ITGA2B: variants seen among roughly 807,000 people sequenced by gnomAD.
ITGA2B encodes integrin alpha-IIb.
In ITGA2B, 91 loss-of-function variants were observed where a neutral mutation model predicts 142.0. The ratio of observed to expected loss-of-function variants is 0.64; its 90% CI spans 0.54 to 0.76. ITGA2B has a LOEUF of 0.76. Among genes scored for constraint, ITGA2B ranks in the 30% least tolerant of loss-of-function variants. The pLI, the probability that ITGA2B is intolerant of heterozygous loss-of-function variation, is 0.00. For missense variants in ITGA2B, 1,231 were observed against 1,350.8 expected (o/e 0.91, Z 1.39); for synonymous variants, 536 against 567.2 (o/e 0.94, Z 0.78).
At chr17:44,380,757 C>T (rs1178624647) in intron 13 of ITGA2B, 112 bp from the exon 14 acceptor site, 1 of 1,589,544 alleles carries the variant, frequency 6.3e-7, no homozygotes, top group African/African-American at 1.3e-5. Context: ...CACCCAGCCC[C>T]TCTGGCAGTC....
Position 44,383,593 on chromosome 17 carries a change from C to A in ITGA2B, c.1110G>T (p.Ala370=). The stretch of plus-strand genomic sequence containing the variant: ...TCAGCAGGAGGCTGGGGGCACCCAG[C>A]GCGTGGGGGCCTCGCGGCTGCAGGA... ...YLFLQPRGPH[A]LGAPSLLLTG... is the part of the protein sequence containing the mutation. The change falls in exon 12 of 30, where the codon GCG becomes GCT. Residue 370 remains alanine (A), a synonymous_variant. Transcript: ENST00000262407. 2 of 1,610,902 alleles carry A rather than the reference C, an allele frequency of 1.2e-6. No individual in the cohort carries two copies. Among genetic ancestry groups the A allele is most frequent in the Admixed American group, 1.7e-5 (1 of 59,690 alleles).
At chr17:44,384,902 G>A in intron 7 of ITGA2B, 46 bp downstream of exon 7, 2 of 1,613,072 alleles carry the variant, frequency 1.2e-6, no homozygotes, top group Non-Finnish European at 1.7e-6. Flanking sequence ...CGTCTGCGGT[G>A]GGCGGTGACC....
Position 44,375,632 on chromosome 17 carries a change from C to T in ITGA2B, c.2686G>A (p.Glu896Lys). 1 of 1,613,790 alleles carries T rather than the reference C, an allele frequency of 6.2e-7. No individual in the cohort carries two copies. Among genetic ancestry groups the T allele is most frequent in the Non-Finnish European group, 8.5e-7 (1 of 1,179,920 alleles). Residue 896 changes from glutamate (E) to lysine (K), a missense_variant, in exon 26 of 30, where the codon GAG (glutamate) becomes AAG (lysine). Around this residue, in one of 3 missense-constraint regions of ITGA2B, gnomAD observed 908 missense variants for 1,021.1 expected, o/e 0.89. Coordinates refer to ENST00000262407, the MANE Select transcript of ITGA2B (RefSeq NM_000419.5). ...KRDRRQIFLP[E>K]PEQPSRLQDP... ...TGAAGCCTCGAGGGCTGCTCGGGCT[C>T]TGGCAGGAAGATCTGTCTGCGATCC...
At chr17:44,388,818 C>CTT (rs758076614) in intron 1 of ITGA2B, among the ~76,000 whole-genome samples, 42 of 132,200 alleles carry the variant, frequency 3.2e-4, no homozygotes, top group Non-Finnish European at 4.8e-4. Context: ...TGCCTGGTCT[C>CTT]TTTTTTTTTT....
chr17:44,385,517 G>T (rs367590600), intron 4 of ITGA2B, 34 bp downstream of exon 4: 7 of 1,537,932 alleles, frequency 4.6e-6, no homozygotes, highest in Non-Finnish European at 4.4e-6. Context: ...AAGCCGTCGC[G>T]AGTGGGCGGG....
Position 44,376,345 on chromosome 17 carries a change from C to G in ITGA2B, c.2311G>C (p.Val771Leu), listed in dbSNP as rs368953599. The stretch of plus-strand genomic sequence containing the variant: ...ACTTGGGCCTCTGCCCGGACCGGCA[C>G]GTCCAGCAGCACAATCTTGCTGTTT... The part of the protein sequence containing the change: ...NPNSKIVLLD[V>L]PVRAEAQVEL... The change falls in exon 23 of 30, where the codon GTG becomes CTG. Residue 771 changes from valine to leucine, a missense_variant. This residue lies in a region of ITGA2B where 908 missense variants were observed against 1,021.1 expected (regional missense o/e 0.89). Coordinates refer to ENST00000262407, the MANE Select transcript of ITGA2B (RefSeq NM_000419.5). 2 of 1,614,188 alleles carry G rather than the reference C, an allele frequency of 1.2e-6. No homozygotes were observed. Among genetic ancestry groups the G allele is most frequent in the Non-Finnish European group, 1.7e-6 (2 of 1,180,040 alleles).
chr17:44,379,200 C>T (rs191553318), intron 18 of ITGA2B, among the ~76,000 whole-genome samples: 59 of 151,104 alleles, frequency 3.9e-4, no homozygotes, highest in Admixed American at 9.2e-4. Flanking sequence ...GTGATCCACC[C>T]GCCTTGGCCT....
intron 11 of ITGA2B, 70 bp from the exon 12 acceptor site, chr17:44,383,774 G>A (rs146829521): frequency 4.5e-6 from 7 of 1,550,496 alleles, no homozygotes; most frequent in Admixed American, 3.9e-5. Context: ...AAATCTCCTC[G>A]ACCCTTGCTC....
intron 1 of ITGA2B, among the ~76,000 whole-genome samples, chr17:44,387,470 C>T (rs1196392093): frequency 6.6e-6 from 1 of 151,780 alleles, no homozygotes; most frequent in African/African-American, 2.4e-5. Context: ...TTGCAGTGAG[C>T]CGAGATCACC....
chr17:44,378,806 T>C (rs530026136), intron 18 of ITGA2B, 96 bp from the exon 19 acceptor site: 2 of 1,030,198 alleles, frequency 1.9e-6, no homozygotes, highest in Middle Eastern at 2.0e-4. Flanking sequence ...GGGGTTCACA[T>C]AGGGGCTTAG....
rs1478120193 is a variant in ITGA2B at position 44,384,357 on chromosome 17, G to A, written c.848-3C>T. On this transcript the variant is annotated splice_polypyrimidine_tract_variant and splice_region_variant and intron_variant, in intron 8 of 29. Transcript: ENST00000262407. ...AGTGGGGGCACCGACGACATATTCT[G>A]GCGATAGGGAGAGCCAGGCTCAGGG... 9 of 1,613,822 alleles carry A rather than the reference G, an allele frequency of 5.6e-6. No homozygotes were observed. Among genetic ancestry groups the A allele is most frequent in the Non-Finnish European group, 5.9e-6 (7 of 1,179,938 alleles).
At chr17:44,384,879 G>A (rs2048630053) in intron 7 of ITGA2B, 69 bp downstream of exon 7, 1 of 1,610,220 alleles carries the variant, frequency 6.2e-7, no homozygotes, top group Non-Finnish European at 8.5e-7. Context: ...CTCCCACAGG[G>A]GCAGGACCTG....
At chr17:44,383,766 A>G in intron 11 of ITGA2B, 62 bp from the exon 12 acceptor site, 1 of 1,549,686 alleles carries the variant, frequency 6.5e-7, no homozygotes, top group South Asian at 1.2e-5. Flanking sequence ...CTAGGGCCAA[A>G]TCTCCTCGAC....
At chr17:44,379,888 G>A in intron 17 of ITGA2B, 74 bp from the exon 18 acceptor site, 1 of 1,612,550 alleles carries the variant, frequency 6.2e-7, no homozygotes, top group Admixed American at 1.7e-5. Flanking sequence ...TAGGCACCGT[G>A]TCCTGACCAC....
chr17:44,374,863 A>C, intron 27 of ITGA2B, 103 bp from the exon 28 acceptor site: 2 of 1,259,494 alleles, frequency 1.6e-6, no homozygotes, highest in Non-Finnish European at 2.3e-6. Context: ...CCTCTGACCT[A>C]ATCCCACTGC....
intron 29 of ITGA2B, among the ~76,000 whole-genome samples, chr17:44,372,698 G>A (rs9900840): frequency 0.013 from 1,951 of 151,706 alleles, 43 homozygotes; most frequent in African/African-American, 0.045. Flanking sequence ...GCTCGATCTC[G>A]GCTCAGTGCA....
In ITGA2B at chr17:44,380,653, C is replaced by A. The variant is rs753070211; in HGVS notation, c.1394-8G>T. 6.2e-7 allele frequency: 1 copy of A among 1,614,208 alleles called. No individual in the cohort carries two copies. Among genetic ancestry groups the A allele is most frequent in the Non-Finnish European group, 8.5e-7 (1 of 1,180,044 alleles). ...AAGCTCCCACGATCAGGTCTATAGA[C>A]ATCGAGGAATGGGTCAGAATTGGCG... On this transcript the variant is annotated splice_region_variant and splice_polypyrimidine_tract_variant and intron_variant, in intron 13 of 29. Transcript: ENST00000262407.
intron 13 of ITGA2B, 99 bp downstream of exon 13, chr17:44,380,780 C>T (rs2048589321): frequency 6.3e-7 from 1 of 1,587,266 alleles, no homozygotes; most frequent in South Asian, 1.1e-5. Flanking sequence ...TAGTGGGACA[C>T]CAGGCCAGGC....
At chr17:44,387,852 A>AAAAAAAAAAAAAAG (rs2048663912) in intron 1 of ITGA2B, among the ~76,000 whole-genome samples, 1 of 149,872 alleles carries the variant, frequency 6.7e-6, no homozygotes, top group African/African-American at 2.5e-5. Flanking sequence ...AAAAAAAAAA[A>AAAAAAAAAAAAAAG]AAGAAGAAGA....
Sources: gnomAD v4.1 joint callset for allele counts (sites outside exome capture counted in the v4.1 genomes callset) on GRCh38, gnomAD v4.1.1 for gene constraint, gnomAD v4.1.1 regional missense constraint, MANE v1.5 for transcripts, NCBI Gene and HGNC (gene_info 2026-07-23, HGNC 2026-07-21) for gene names.